LRRTM4: variants seen among roughly 807,000 people sequenced by gnomAD.
LRRTM4 encodes leucine-rich repeat transmembrane neuronal protein 4.
In LRRTM4, 25 loss-of-function variants were observed where a neutral mutation model predicts 47.6. That is an observed-to-expected ratio of 0.53 (90% CI 0.38 to 0.73). The LOEUF is 0.73. LRRTM4 is among the 30% of genes least tolerant of loss of function. The probability of loss-of-function intolerance (pLI) is 0.00; values close to 1 mark genes in which losing one functional copy is unlikely to be tolerated. For missense variants in LRRTM4, 638 were observed against 713.4 expected (o/e 0.89, Z 1.20); for synonymous variants, 311 against 269.5 (o/e 1.15, Z -1.51).
intron 3 of LRRTM4, among the ~76,000 whole-genome samples, chr2:77,448,341 A>G (rs992600151): frequency 2.6e-5 from 4 of 152,172 alleles, no homozygotes; most frequent in African/African-American, 9.7e-5. Context: ...AGCCTTTTAC[A>G]TAAGAGACGA....
chr2:76,819,956 A>C (rs1381429836), intron 3 of LRRTM4, among the ~76,000 whole-genome samples: 1 of 152,070 alleles, frequency 6.6e-6, no homozygotes, highest in Middle Eastern at 3.4e-3. Flanking sequence ...CCATGTTCTA[A>C]TAATGCCCAT....
At chr2:77,329,107 T>C (rs998764218) in intron 3 of LRRTM4, among the ~76,000 whole-genome samples, 13 of 152,200 alleles carry the variant, frequency 8.5e-5, no homozygotes, top group African/African-American at 3.1e-4. Flanking sequence ...TGTCCCAAGC[T>C]AAGACTAACC....
intron 3 of LRRTM4, among the ~76,000 whole-genome samples, chr2:77,018,684 G>A (rs2104094977): frequency 6.6e-6 from 1 of 152,222 alleles, no homozygotes; most frequent in East Asian, 1.9e-4. Flanking sequence ...TAGTTCAGAA[G>A]TACAGCTGAA....
At chr2:77,501,547 A>T (rs975899045) in intron 3 of LRRTM4, among the ~76,000 whole-genome samples, 1 of 151,070 alleles carries the variant, frequency 6.6e-6, no homozygotes, top group African/African-American at 2.4e-5. Flanking sequence ...AGAAAAAAAT[A>T]AAGTGAATAG....
At chr2:77,331,350 T>C (rs1052433712) in intron 3 of LRRTM4, among the ~76,000 whole-genome samples, 2 of 152,198 alleles carry the variant, frequency 1.3e-5, no homozygotes, top group Admixed American at 6.5e-5. Flanking sequence ...ATGCCATTGT[T>C]TGGGTTATAT....
intron 3 of LRRTM4, among the ~76,000 whole-genome samples, chr2:77,484,885 A>G (rs1448716276): frequency 6.6e-6 from 1 of 152,202 alleles, no homozygotes; most frequent in Non-Finnish European, 1.5e-5. Flanking sequence ...AAGCACAAAG[A>G]GAAGTTAATA....
At chr2:77,150,018 T>C (rs1455579026) in intron 3 of LRRTM4, among the ~76,000 whole-genome samples, 2 of 152,166 alleles carry the variant, frequency 1.3e-5, no homozygotes, top group Non-Finnish European at 2.9e-5. Flanking sequence ...CATTAATTTG[T>C]ACATGACTAC....
chr2:77,216,544 AAAAT>A (rs1043864227), intron 3 of LRRTM4, among the ~76,000 whole-genome samples: 6 of 152,126 alleles, frequency 3.9e-5, no homozygotes, highest in South Asian at 2.1e-4. Flanking sequence ...AATCCATCTC[AAAAT>A]AAATAAATAA....
rs753773199 is a variant in LRRTM4, at chr2:77,415,297, A to G, written c.1551+103021T>C. Among the ~76,000 whole-genome samples the G allele has an allele frequency of 3.4e-4, 51 of 152,162 alleles. 1 individual carries two copies. Among genetic ancestry groups the G allele is most frequent in the Admixed American group, 6.6e-5 (1 of 15,260 alleles). On this transcript the variant is annotated intron_variant, in intron 3 of 3. Transcript: ENST00000409884. ...TTCTCTTAGAGAAATACATTTCTTC[A>G]TGCTAATAATTATTCATTTTTACTG... is the stretch of plus-strand genomic sequence containing the variant.
intron 3 of LRRTM4, among the ~76,000 whole-genome samples, chr2:77,360,516 CG>C (rs1435161187): frequency 1.7e-4 from 26 of 150,140 alleles, no homozygotes; most frequent in Non-Finnish European, 3.3e-4. Flanking sequence ...CGATACGATA[CG>C]ATACGATACG....
chr2:77,467,605 A>G (rs1677029183), intron 3 of LRRTM4, among the ~76,000 whole-genome samples: 1 of 152,206 alleles, frequency 6.6e-6, no homozygotes, highest in South Asian at 2.1e-4. Context: ...AGCATACGCT[A>G]AGAATAATTC....
intron 3 of LRRTM4, among the ~76,000 whole-genome samples, chr2:77,217,660 T>C (rs1371038287): frequency 1.3e-5 from 2 of 151,626 alleles, no homozygotes; most frequent in Admixed American, 6.6e-5. Context: ...CACTTCTGTT[T>C]TGAGATGGTT....
rs70939834 is a variant in LRRTM4 at position 76,769,525 on chromosome 2, G to GAA, written c.1552-20611_1552-20610dup. On this transcript the variant is annotated intron_variant, in intron 3 of 3. Transcript: ENST00000409884. ...TCTAAATAAAAGCTCACTTGCAACT[G>GAA]AAAAAAAAACAAAAATAATAACGAA... Among the ~76,000 whole-genome samples, 288 of 147,774 alleles carry GAA rather than the reference G, an allele frequency of 1.9e-3. 3 individuals carry two copies. The highest frequency in any genetic ancestry group is 6.0e-4 in the Non-Finnish European group (40 of 66,642).
chr2:77,005,335 G>C lies in LRRTM4; in HGVS notation c.1552-256419C>G, dbSNP rs568230054. Reference sequence around the variant, plus strand: ...AACTTTTGTAATTTTAGTAGAGACAGGGTTTCACCATCTTGGTCAGGCTGG... The same window carrying C: ...AACTTTTGTAATTTTAGTAGAGACACGGTTTCACCATCTTGGTCAGGCTGG... On this transcript the variant is annotated intron_variant, in intron 3 of 3. Coordinates refer to ENST00000409884, the MANE Select transcript of LRRTM4 (RefSeq NM_001134745.3). 2.6e-5 allele frequency among the ~76,000 whole-genome samples: 4 copies of C among 152,230 alleles called. No individual in the cohort carries two copies. In the South Asian group the frequency reaches 8.3e-4, roughly 32 times the overall value.
At chr2:77,011,522 A>G (rs1677872302) in intron 3 of LRRTM4, among the ~76,000 whole-genome samples, 1 of 144,706 alleles carries the variant, frequency 6.9e-6, no homozygotes, top group Admixed American at 7.1e-5. Context: ...GGCAACTAGG[A>G]AGAAGCATTT....
chr2:77,273,495 C>A (rs958481938), intron 3 of LRRTM4, among the ~76,000 whole-genome samples: 6 of 152,104 alleles, frequency 3.9e-5, no homozygotes, highest in African/African-American at 1.4e-4. Flanking sequence ...CCCATTTAAA[C>A]CACACTTTCA....
intron 3 of LRRTM4, among the ~76,000 whole-genome samples, chr2:77,340,750 T>A (rs993445994): frequency 1.3e-5 from 2 of 151,970 alleles, no homozygotes. Context: ...CCATAACTCA[T>A]GATTTCAATA....
intron 3 of LRRTM4, among the ~76,000 whole-genome samples, chr2:76,992,420 C>A (rs1030281323): frequency 1.3e-5 from 2 of 151,608 alleles, no homozygotes; most frequent in East Asian, 3.9e-4. Flanking sequence ...AATTGATAAA[C>A]CATTTTATTA....
intron 3 of LRRTM4, among the ~76,000 whole-genome samples, chr2:77,097,321 T>C (rs1670837171): frequency 6.6e-6 from 1 of 151,988 alleles, no homozygotes; most frequent in African/African-American, 2.4e-5. Flanking sequence ...GTAATGTTAA[T>C]GAAATTATTG....
Sources: gnomAD v4.1 joint callset for allele counts (sites outside exome capture counted in the v4.1 genomes callset) on GRCh38, gnomAD v4.1.1 for gene constraint, MANE v1.5 for transcripts, NCBI Gene and HGNC (gene_info 2026-07-23, HGNC 2026-07-21) for gene names.